The following PLXNB1 variants were observed in gnomAD, a reference collection of about 807,000 sequenced individuals.
PLXNB1 encodes plexin-B1.
Under a neutral mutation model 209.4 loss-of-function variants are expected in PLXNB1, and 106 were observed. The ratio of observed to expected loss-of-function variants is 0.51; its 90% CI spans 0.43 to 0.59. The LOEUF (loss-of-function observed/expected upper bound fraction) is 0.59, where lower values mean the gene tolerates loss of function less well. PLXNB1 is among the 20% of genes least tolerant of loss of function. The probability of loss-of-function intolerance (pLI) is 0.00; values close to 1 mark genes in which losing one functional copy is unlikely to be tolerated. For synonymous variants in PLXNB1, 1,167 were observed against 1,183.2 expected (o/e 0.99, Z 0.28); for missense variants, 2,357 against 2,853.2 (o/e 0.83, Z 3.96).
chr3:48,419,175 C>T lies in PLXNB1; in HGVS notation c.2832+69G>A. 1 of 1,553,192 alleles carries T rather than the reference C, an allele frequency of 6.4e-7. No homozygotes were observed. The highest frequency in any genetic ancestry group is 8.7e-7 in the Non-Finnish European group (1 of 1,144,796). ...CGGACTCTGCCCTCCTCCTGCTCCCCAGGGCTTGTGCAGAGTTTCTCAACA... is the reference window on the plus strand; with the variant it reads ...CGGACTCTGCCCTCCTCCTGCTCCCTAGGGCTTGTGCAGAGTTTCTCAACA... On this transcript the variant is annotated intron_variant, in intron 12 of 37. Transcript: ENST00000296440. The surrounding 1 kb of genome is among the most constrained non-coding windows in gnomAD (Gnocchi z 5.7).
Position 48,406,012 on chromosome 3 carries a change from C to T in PLXNB1, c.6229-214G>A. On this transcript the variant is annotated intron_variant, in intron 36 of 37. Coordinates refer to ENST00000296440, the MANE Select transcript of PLXNB1 (RefSeq NM_001130082.3). The surrounding 1 kb of genome is among the most constrained non-coding windows in gnomAD (Gnocchi z 4.4). ...GACAGAACAGGGTAGAGCAAGGGGG[C>T]CTCCTTGGTAGGAAGACAGCCCAGG... 1 of 498,564 alleles carries T rather than the reference C, an allele frequency of 2.0e-6. No homozygotes were observed. Among genetic ancestry groups the T allele is most frequent in the South Asian group, 2.1e-5 (1 of 47,512 alleles). 30.9% of individuals were successfully genotyped at this position (498,564 alleles called of 1,614,324 possible).
rs2038165750 is a variant in PLXNB1 at position 48,417,348 on chromosome 3, G to A, written c.3374+563C>T. ...CCTGCTGCTTATGGACATCTCCTTAGGAATGTCCTGCGTGTGTACCTTTGG... is the reference window on the plus strand; with the variant it reads ...CCTGCTGCTTATGGACATCTCCTTAAGAATGTCCTGCGTGTGTACCTTTGG... On this transcript the variant is annotated intron_variant, in intron 16 of 37. Transcript: ENST00000296440. The surrounding 1 kb of genome is among the most constrained non-coding windows in gnomAD (Gnocchi z 4.4). Among the ~76,000 whole-genome samples the A allele has an allele frequency of 6.6e-6, 1 of 152,218 alleles. No homozygotes were observed. The highest frequency in any genetic ancestry group is 2.1e-4 in the South Asian group (1 of 4,834).
chr3:48,422,236 A>G (rs2038578621), intron 5 of PLXNB1, 31 bp from the exon 6 acceptor site: 1 of 1,611,610 alleles, frequency 6.2e-7, no homozygotes, highest in African/African-American at 1.3e-5. Flanking sequence ...TGAGGCCAGC[A>G]ATCCAAACAC....
Position 48,418,026 on chromosome 3 carries a change from G to A in PLXNB1, c.3259C>T (p.Arg1087Cys), listed in dbSNP as rs138130529. ...PLTGPVDGGT[R>C]VTIRGSNLGQ... ...AGGTTGGAGCCCCTGATGGTGACAC[G>A]GGTGCCTCCGTCTACAGGCCCAGTC... The change falls in exon 16 of 38, where the codon CGT (arginine) becomes TGT (cysteine). Residue 1087 changes from arginine (R) to cysteine (C), a missense_variant. By Grantham distance (180) the Arg-to-Cys change is radical (BLOSUM62 -3). Transcript: ENST00000296440. This position sits in a 1 kb window ranked among gnomAD's most constrained non-coding sequence, Gnocchi z 6.6. 344 of 1,613,324 alleles carry A rather than the reference G, an allele frequency of 2.1e-4. No homozygotes were observed. The highest frequency in any genetic ancestry group is 2.7e-4 in the Non-Finnish European group (323 of 1,179,992).
In PLXNB1 at chr3:48,422,182, G is replaced by A. The variant is rs954429716; in HGVS notation, c.1443C>T (p.Ser481=). 6 of 1,613,976 alleles carry A rather than the reference G, an allele frequency of 3.7e-6. No homozygotes were observed. Among genetic ancestry groups the A allele is most frequent in the Non-Finnish European group, 4.2e-6 (5 of 1,179,972 alleles). ...QSTLLKVPVA[S]CAQHLDCASC... is the part of the protein sequence containing the mutation. ...ATGCACAGTCCAGGTGCTGAGCACA[G>A]GAAGCCACAGGAACCTTCAGAAGCT... The change falls in exon 6 of 38, where the codon TCC becomes TCT. Residue 481 remains serine (S), a synonymous_variant. Coordinates refer to ENST00000296440, the MANE Select transcript of PLXNB1 (RefSeq NM_001130082.3).
chr3:48,422,276 C>A, intron 5 of PLXNB1, 55 bp downstream of exon 5: 1 of 1,609,738 alleles, frequency 6.2e-7, no homozygotes, highest in East Asian at 2.2e-5. Context: ...GGGTCCCTGG[C>A]CCCACCCAGA....
At chr3:48,407,733 G>A (rs995925371) in intron 34 of PLXNB1, among the ~76,000 whole-genome samples, 2 of 152,328 alleles carry the variant, frequency 1.3e-5, no homozygotes, top group East Asian at 1.9e-4. Context: ...GTCAGGATTC[G>A]CGCCTTCTTG....
Position 48,423,919 on chromosome 3 carries a change from C to A in PLXNB1, c.693G>T (p.Leu231=), listed in dbSNP as rs2038720256. The part of the protein sequence containing the change: ...AFARGASAYF[L]FLRRDLQAQS... Reference sequence around the variant, plus strand: ...GAGCCTGCAGGTCCCGCCGCAGGAACAGGAAGTAGGCGCTGGCCCCACGTG... The same window carrying A: ...GAGCCTGCAGGTCCCGCCGCAGGAAAAGGAAGTAGGCGCTGGCCCCACGTG... Residue 231 remains leucine (L), a synonymous_variant, in exon 3 of 38, where the codon CTG becomes CTT. Transcript: ENST00000296440. 6.2e-7 allele frequency: 1 copy of A among 1,614,182 alleles called. No homozygotes were observed. The highest frequency in any genetic ancestry group is 1.3e-5 in the African/African-American group (1 of 75,076).
chr3:48,404,329 G>A lies in PLXNB1; in HGVS notation c.*157C>T, dbSNP rs2037182230. 1 of 591,240 alleles carries A rather than the reference G, an allele frequency of 1.7e-6. No homozygotes were observed. Among genetic ancestry groups the A allele is most frequent in the South Asian group, 2.1e-5 (1 of 48,504 alleles). 36.6% of individuals were successfully genotyped at this position (591,240 alleles called of 1,614,324 possible). A position where few individuals can be genotyped will look rare whatever the true frequency, so the allele number is the denominator to read the frequency against. On this transcript the variant is annotated 3_prime_UTR_variant, in exon 38 of 38. Coordinates refer to ENST00000296440, the MANE Select transcript of PLXNB1 (RefSeq NM_001130082.3). ...GCCCCGGGTCTAGGAGGTGGATCCA[G>A]CAGGGCCGAGGCCAGAGCCACCAGG...
chr3:48,415,632 T>C lies in PLXNB1; in HGVS notation c.3745A>G (p.Thr1249Ala). The C allele has an allele frequency of 6.3e-7, 1 of 1,582,944 alleles. No individual in the cohort carries two copies. Among genetic ancestry groups the C allele is most frequent in the Non-Finnish European group, 8.6e-7 (1 of 1,164,378 alleles). ...RRLQRGQFKYTLDPNITSAGP... is the reference protein window; with the variant it reads ...RRLQRGQFKYALDPNITSAGP... ...GCAGAGGTGATGTTGGGGTCCAAGG[T>C]ATACTTGAACTGTCCGCGTTGAAGC... is the stretch of plus-strand genomic sequence containing the variant. The change falls in exon 19 of 38, where the codon ACC becomes GCC. Residue 1249 changes from threonine to alanine, a missense_variant. Thr to Ala is a moderately conservative substitution (Grantham distance 58). Transcript: ENST00000296440. The surrounding 1 kb of genome is among the most constrained non-coding windows in gnomAD (Gnocchi z 5.0).
At position 48,416,475 on chromosome 3, in the gene PLXNB1, G is replaced by C. The variant is rs771604469; in HGVS notation, c.3375-24C>G. 1.3e-6 allele frequency: 2 copies of C among 1,555,192 alleles called. No individual in the cohort carries two copies. The highest frequency in any genetic ancestry group is 1.7e-5 in the Admixed American group (1 of 58,032). On this transcript the variant is annotated intron_variant, in intron 16 of 37. Coordinates refer to ENST00000296440, the MANE Select transcript of PLXNB1 (RefSeq NM_001130082.3). The surrounding 1 kb of genome is among the most constrained non-coding windows in gnomAD (Gnocchi z 4.1). ...GGCTGTAGGCACAGGGCAGGCTAGG[G>C]GGTGCCAGGCTGCATCAAGGGCCCC...
chr3:48,421,355 G>A lies in PLXNB1; in HGVS notation c.1683C>T (p.Pro561=), dbSNP rs760671697. The change falls in exon 8 of 38, where the codon CCC becomes CCT. Residue 561 remains proline (P), a synonymous_variant. Transcript: ENST00000296440. ...EVFLSVPDLP[P]LWPGESYSCH... is the part of the protein sequence containing the mutation. ...AGGAATATGACTCCCCTGGCCACAG[G>A]GGTGGCAGGTCTGGCACTGATAGGA... The A allele has an allele frequency of 1.3e-6, 2 of 1,561,904 alleles. No individual in the cohort carries two copies. Among genetic ancestry groups the A allele is most frequent in the East Asian group, 2.3e-5 (1 of 44,106 alleles).
Position 48,412,559 on chromosome 3 carries a change from G to A in PLXNB1, c.4916C>T (p.Ser1639Phe). 1 of 1,613,670 alleles carries A rather than the reference G, an allele frequency of 6.2e-7. No individual in the cohort carries two copies. Among genetic ancestry groups the A allele is most frequent in the Non-Finnish European group, 8.5e-7 (1 of 1,180,030 alleles). ...FSARDRAYVASLLTVALHGKL... is the reference protein window; with the variant it reads ...FSARDRAYVAFLLTVALHGKL... ...CCCATGCAGTGCCACGGTGAGCAGA[G>A]ATGCCACGTAGGCACGGTCCCGAGC... The change falls in exon 26 of 38, where the codon TCT becomes TTT. Residue 1639 changes from serine (S) to phenylalanine (F), a missense_variant. This residue lies in a region of PLXNB1 where 743 missense variants were observed against 896.2 expected (regional missense o/e 0.83). Transcript: ENST00000296440.
Position 48,415,208 on chromosome 3 carries a change from A to T in PLXNB1, c.3934T>A (p.Cys1312Ser), listed in dbSNP as rs778786389. Residue 1312 changes from cysteine to serine, a missense_variant, in exon 20 of 38, where the codon TGT (cysteine) becomes AGT (serine). Around this residue, in one of 7 missense-constraint regions of PLXNB1, gnomAD observed 743 missense variants for 896.2 expected, o/e 0.83. Coordinates refer to ENST00000296440, the MANE Select transcript of PLXNB1 (RefSeq NM_001130082.3). This position sits in a 1 kb window ranked among gnomAD's most constrained non-coding sequence, Gnocchi z 5.0. ...RRRRVVPETACSLGPSCSSQQ... is the reference protein window; with the variant it reads ...RRRRVVPETASSLGPSCSSQQ... ...CTACTGCAGGAGGGTCCAAGGGAAC[A>T]TGCCGTCTCCGGGACCACGCGACGC... 6.2e-7 allele frequency: 1 copy of T among 1,613,486 alleles called. No individual in the cohort carries two copies. The highest frequency in any genetic ancestry group is 1.7e-5 in the Admixed American group (1 of 60,024).
At position 48,418,643 on chromosome 3, in the gene PLXNB1, T is replaced by C. The variant is rs146487090; in HGVS notation, c.2956-101A>G. On this transcript the variant is annotated intron_variant, in intron 13 of 37. Coordinates refer to ENST00000296440, the MANE Select transcript of PLXNB1 (RefSeq NM_001130082.3). The surrounding 1 kb of genome is among the most constrained non-coding windows in gnomAD (Gnocchi z 6.6). Reference sequence around the variant, plus strand: ...GGACTAAAACGACCAGTTAGGAGCATAGGGTCAGAGGGACCCCATGGGGCC... The same window carrying C: ...GGACTAAAACGACCAGTTAGGAGCACAGGGTCAGAGGGACCCCATGGGGCC... 1.2e-3 allele frequency: 1,335 copies of C among 1,108,812 alleles called. 10 individuals carry two copies. The African/African-American group carries it at 0.018, about 15-fold the overall frequency. The allele number at this position is 1,108,812 out of a possible 1,614,324, so 68.7% of individuals were successfully genotyped here.
At chr3:48,422,279 C>T (rs2038580290) in intron 5 of PLXNB1, 52 bp downstream of exon 5, 4 of 1,610,746 alleles carry the variant, frequency 2.5e-6, no homozygotes, top group Admixed American at 1.7e-5. Flanking sequence ...TCCCTGGCCC[C>T]ACCCAGAGGC....
rs2037173373 is a variant in PLXNB1 at position 48,404,180 on chromosome 3, C to A, written c.*306G>T. 2.7e-6 allele frequency: 1 copy of A among 364,798 alleles called. No homozygotes were observed. Among genetic ancestry groups the A allele is most frequent in the Non-Finnish European group, 5.0e-6 (1 of 200,338 alleles). The allele number at this position is 364,798 out of a possible 1,614,324, so 22.6% of individuals were successfully genotyped here. On this transcript the variant is annotated 3_prime_UTR_variant, in exon 38 of 38. Transcript: ENST00000296440. ...AGTGTTCAGGAACAGTACAGTCTCCCCAGGGGCCTGGAGTCTCTTCCAGCC... is the reference window on the plus strand; with the variant it reads ...AGTGTTCAGGAACAGTACAGTCTCCACAGGGGCCTGGAGTCTCTTCCAGCC...
rs942014196 is a variant in PLXNB1, at chr3:48,415,731, G to A, written c.3646C>T (p.Arg1216Trp). The part of the protein sequence containing the change: ...LLPEQQSEQL[R>W]CETSPRPTPA... Reference sequence around the variant, plus strand: ...GTGGGGCGTGGGCTGGTCTCACACCGCAGTTGTTCTGACTGCTGCTCCGGC... The same window carrying A: ...GTGGGGCGTGGGCTGGTCTCACACCACAGTTGTTCTGACTGCTGCTCCGGC... The change falls in exon 19 of 38, where the codon CGG (arginine) becomes TGG (tryptophan). Residue 1216 changes from arginine to tryptophan, a missense_variant. This residue lies in a region of PLXNB1 where 743 missense variants were observed against 896.2 expected (regional missense o/e 0.83). Transcript: ENST00000296440. This position sits in a 1 kb window ranked among gnomAD's most constrained non-coding sequence, Gnocchi z 5.0. 55 of 1,549,458 alleles carry A rather than the reference G, an allele frequency of 3.5e-5. No individual in the cohort carries two copies. Among genetic ancestry groups the A allele is most frequent in the South Asian group, 8.3e-5 (7 of 84,020 alleles).
At chr3:48,404,871 CA>C (rs2106699135) in intron 37 of PLXNB1, among the ~76,000 whole-genome samples, 1 of 152,264 alleles carries the variant, frequency 6.6e-6, no homozygotes, top group African/African-American at 2.4e-5. Context: ...CTGGCTAACC[CA>C]CCCGCCAGCC....
Sources: allele counts gnomAD v4.1 joint callset (sites outside exome capture counted in the v4.1 genomes callset), GRCh38; gene constraint gnomAD v4.1.1; regional missense constraint gnomAD v4.1.1; non-coding constraint Gnocchi (gnomAD v3.1); transcripts MANE v1.5; gene names NCBI Gene and HGNC (gene_info 2026-07-23, HGNC 2026-07-21).